Variants in TAP2 observed in about 807,000 individuals in gnomAD.
TAP2 encodes antigen peptide transporter 2.
A neutral mutation model predicts 74.7 loss-of-function variants in TAP2; 49 were observed. The ratio of observed to expected loss-of-function variants is 0.66; its 90% CI spans 0.52 to 0.83. The LOEUF is 0.83. Among genes scored for constraint, TAP2 ranks in the 40% least tolerant of loss-of-function variants. The pLI, the probability that TAP2 is intolerant of heterozygous loss-of-function variation, is 0.00. For missense variants in TAP2, 739 were observed against 859.0 expected (o/e 0.86, Z 1.75); for synonymous variants, 306 against 368.4 (o/e 0.83, Z 1.94).
rs1768974106 is a variant in TAP2 at position 32,830,264 on chromosome 6, C to T, written c.1635+3G>A. ...GTCCCCTGTCTTCTCCCTCCTCACC[C>T]ACCTGGCTGTGCAGGTAGCAGTGTT... is the stretch of plus-strand genomic sequence containing the variant. On this transcript the variant is annotated splice_donor_region_variant and intron_variant, in intron 9 of 11. Coordinates refer to ENST00000374897, the MANE Select transcript of TAP2 (RefSeq NM_001290043.2). The T allele has an allele frequency of 1.2e-6, 2 of 1,613,014 alleles. No homozygotes were observed. Among genetic ancestry groups the T allele is most frequent in the Admixed American group, 1.7e-5 (1 of 60,008 alleles).
At position 32,833,706 on chromosome 6, in the gene TAP2, C is replaced by T. The variant is rs184429578; in HGVS notation, c.946-882G>A. On this transcript the variant is annotated intron_variant, in intron 5 of 11. Transcript: ENST00000374897. Reference sequence around the variant, plus strand: ...CTGCTGGTGGGAATTTAAAATGGTGCTGCCGCTATGGAAAACTGTATGGTG... The same window carrying T: ...CTGCTGGTGGGAATTTAAAATGGTGTTGCCGCTATGGAAAACTGTATGGTG... Among the ~76,000 whole-genome samples the T allele has an allele frequency of 1.8e-4, 27 of 152,258 alleles. No homozygotes were observed. In the East Asian group the frequency reaches 5.2e-3, roughly 29 times the overall value.
At chr6:32,831,754 GGATAGATGGATGGATAGATA>G (rs1250346615) in intron 7 of TAP2, among the ~76,000 whole-genome samples, 5 of 152,098 alleles carry the variant, frequency 3.3e-5, no homozygotes, top group Non-Finnish European at 7.3e-5. Flanking sequence ...GTGGATGGAT[GGATAGATGGATGGATAGATA>G]GATAGACAGA....
At position 32,830,403 on chromosome 6, in the gene TAP2, G is replaced by T; in HGVS notation, c.1499C>A (p.Ala500Glu). 3.1e-6 allele frequency: 5 copies of T among 1,612,824 alleles called. No individual in the cohort carries two copies. The highest frequency in any genetic ancestry group is 4.2e-6 in the Non-Finnish European group (5 of 1,180,012). The change falls in exon 9 of 12, where the codon GCG (alanine) becomes GAG (glutamate). Residue 500 changes from alanine (A) to glutamate (E), a missense_variant. Ala to Glu is a moderately radical substitution (Grantham distance 107). Coordinates refer to ENST00000374897, the MANE Select transcript of TAP2 (RefSeq NM_001290043.2). ...CCCAGACCCATTGGGTCCCACCAGC[G>T]CCGTCACCTCACCAGGACGTAGGGT... Reference protein sequence around the residue: ...TFTLRPGEVTALVGPNGSGKS... With the variant: ...TFTLRPGEVTELVGPNGSGKS...
chr6:32,834,998 G>A (rs996512314), intron 5 of TAP2, among the ~76,000 whole-genome samples, 156 bp downstream of exon 5: 1 of 152,110 alleles, frequency 6.6e-6, no homozygotes, highest in Non-Finnish European at 1.5e-5. Flanking sequence ...TGGATGGCTG[G>A]ACAAACAAAA....
In TAP2 at chr6:32,829,400, G is replaced by T. The variant is rs200318579; in HGVS notation, c.1932C>A (p.Ala644=). 1 of 1,595,078 alleles carries T rather than the reference G, an allele frequency of 6.3e-7. No homozygotes were observed. Among genetic ancestry groups the T allele is most frequent in the South Asian group, 1.1e-5 (1 of 88,424 alleles). ...TSALDVQCEQ[A]LQDWNSRGDR... ...TCCCCTGCCCTCTCACGGTACTCAC[G>T]GCCTGCTCGCACTGCACATCTAGGG... is the stretch of plus-strand genomic sequence containing the variant. Residue 644 remains alanine, a splice_region_variant and synonymous_variant, in exon 11 of 12, where the codon GCC becomes GCA. Transcript: ENST00000374897.
rs1002375975 is a variant in TAP2 at position 32,832,450 on chromosome 6, C to G, written c.1155G>C (p.Leu385Phe). Residue 385 changes from leucine (L) to phenylalanine (F), a missense_variant, in exon 7 of 12, where the codon TTG becomes TTC. Coordinates refer to ENST00000374897, the MANE Select transcript of TAP2 (RefSeq NM_001290043.2). The surrounding 1 kb of genome is among the most constrained non-coding windows in gnomAD (Gnocchi z 5.9). ...AGCTCAGCATCAGCATCTGCACCCC[C>G]AAGTGCAGCACCTGGAAGAGGAGAA... ...LYLLVRRVLHLGVQMLMLSCG... is the reference protein window; with the variant it reads ...LYLLVRRVLHFGVQMLMLSCG... 1.2e-6 allele frequency: 2 copies of G among 1,612,612 alleles called. No individual in the cohort carries two copies. Among genetic ancestry groups the G allele is most frequent in the East Asian group, 2.2e-5 (1 of 44,870 alleles).
chr6:32,832,562 T>C lies in TAP2; in HGVS notation c.1143+65A>G. Reference sequence around the variant, plus strand: ...CTGCAAAGGCCTCTAGAACCAGCTGTAGTTTCCTCTTCCCTTGCCCTCCCC... The same window carrying C: ...CTGCAAAGGCCTCTAGAACCAGCTGCAGTTTCCTCTTCCCTTGCCCTCCCC... On this transcript the variant is annotated intron_variant, in intron 6 of 11. Transcript: ENST00000374897. The surrounding 1 kb of genome is among the most constrained non-coding windows in gnomAD (Gnocchi z 5.9). 4 of 1,612,228 alleles carry C rather than the reference T, an allele frequency of 2.5e-6. No homozygotes were observed. The highest frequency in any genetic ancestry group is 2.2e-5 in the East Asian group (1 of 44,882).
At position 32,827,413 on chromosome 6, in the gene TAP2, G is replaced by A; in HGVS notation, c.*1493C>T. ...AGATATAAAGCTTAATAAGATATAT[G>A]GCTTTCCGCCCAGGTGCTCATGGTC... is the stretch of plus-strand genomic sequence containing the variant. On this transcript the variant is annotated 3_prime_UTR_variant, in exon 12 of 12. Coordinates refer to ENST00000374897, the MANE Select transcript of TAP2 (RefSeq NM_001290043.2). The A allele has an allele frequency of 1.1e-6, 1 of 874,430 alleles. No homozygotes were observed. Among genetic ancestry groups the A allele is most frequent in the Non-Finnish European group, 1.4e-6 (1 of 729,148 alleles). 54.2% of individuals were successfully genotyped at this position (874,430 alleles called of 1,614,324 possible).
chr6:32,828,677 C>CTCAA lies in TAP2; in HGVS notation c.*228_*229insTTGA. On this transcript the variant is annotated 3_prime_UTR_variant, in exon 12 of 12. Transcript: ENST00000374897. ...ATTAAGTTTCCTGGACACAGACAGC[C>CTCAA]CCCACCCCACCCCACCCCACCTCTC... 1.0e-6 allele frequency: 1 copy of CTCAA among 971,806 alleles called. No individual in the cohort carries two copies. Among genetic ancestry groups the CTCAA allele is most frequent in the Non-Finnish European group, 1.2e-6 (1 of 806,872 alleles). The allele number at this position is 971,806 out of a possible 1,614,324, so 60.2% of individuals were successfully genotyped here.
chr6:32,837,919 C>T lies in TAP2; in HGVS notation c.315G>A (p.Gly105=), dbSNP rs750160800. ...ASAPWSWLLV[G]YGAAGLSWSL... Reference sequence around the variant, plus strand: ...ACCAGCTGAGCCCCGCAGCCCCGTACCCCACCAGCAGCCAGCTCCAAGGGG... The same window carrying T: ...ACCAGCTGAGCCCCGCAGCCCCGTATCCCACCAGCAGCCAGCTCCAAGGGG... Residue 105 remains glycine, a synonymous_variant, in exon 2 of 12, where the codon GGG becomes GGA. Coordinates refer to ENST00000374897, the MANE Select transcript of TAP2 (RefSeq NM_001290043.2). The T allele has an allele frequency of 1.2e-6, 2 of 1,613,010 alleles. No individual in the cohort carries two copies. The highest frequency in any genetic ancestry group is 2.2e-5 in the East Asian group (1 of 44,878).
In TAP2 at chr6:32,835,594, G is replaced by A; in HGVS notation, c.739+49C>T. ...GAGGCTGTGGGTGGAAGGTCACTGA[G>A]GGGCAAGGGATGTCCATGGGAATCT... On this transcript the variant is annotated intron_variant, in intron 4 of 11. Transcript: ENST00000374897. The surrounding 1 kb of genome is among the most constrained non-coding windows in gnomAD (Gnocchi z 4.0). 6.2e-7 allele frequency: 1 copy of A among 1,612,610 alleles called. No individual in the cohort carries two copies. Among genetic ancestry groups the A allele is most frequent in the South Asian group, 1.1e-5 (1 of 91,056 alleles).
rs241449 is a variant in TAP2, at chr6:32,828,876, C to A, written c.*30G>T. Reference sequence around the variant, plus strand: ...GGCCTCAGTCCATCAGCCGCTGCTGCACCAGGCGGGAATAGAGGTCCTGTC... The same window carrying A: ...GGCCTCAGTCCATCAGCCGCTGCTGAACCAGGCGGGAATAGAGGTCCTGTC... On this transcript the variant is annotated 3_prime_UTR_variant, in exon 12 of 12. Transcript: ENST00000374897. 409,095 of 1,524,222 alleles carry A rather than the reference C, an allele frequency of 0.27. 57,377 individuals are homozygous for A. The highest frequency in any genetic ancestry group is 0.39 in the South Asian group (32,428 of 82,420). The allele number at this position is 1,524,222 out of a possible 1,614,324, so 94.4% of individuals were successfully genotyped here.
At position 32,835,656 on chromosome 6, in the gene TAP2, C is replaced by T. The variant is rs1164840923; in HGVS notation, c.726G>A (p.Gln242=). The T allele has an allele frequency of 6.2e-7, 1 of 1,612,964 alleles. No homozygotes were observed. Among genetic ancestry groups the T allele is most frequent in the Non-Finnish European group, 8.5e-7 (1 of 1,180,042 alleles). ...SLLRQDLGFF[Q]ETKTGELNSR... ...TCCAGGCCCCACCTGTCTTAGTCTC[C>T]TGGAAGAAACCGAGGTCCTGGCGCA... Residue 242 remains glutamine (Q), a synonymous_variant, in exon 4 of 12, where the codon CAG becomes CAA. Transcript: ENST00000374897. This position sits in a 1 kb window ranked among gnomAD's most constrained non-coding sequence, Gnocchi z 4.0.
chr6:32,823,016 T>C (rs1176124767), downstream of TAP2, among the ~76,000 whole-genome samples: 1 of 149,880 alleles, frequency 6.7e-6, no homozygotes, highest in African/African-American at 2.5e-5. Context: ...GCCTCCCAGA[T>C]TCAAGCAATT....
downstream of TAP2, chr6:32,821,954 G>A (rs968558404): frequency 3.6e-6 from 1 of 277,610 alleles, no homozygotes; most frequent in Non-Finnish European, 6.8e-6. Flanking sequence ...TGTAACATGA[G>A]GGGAAGGGGC....
downstream of TAP2, among the ~76,000 whole-genome samples, chr6:32,823,811 A>T (rs16870911): frequency 0.066 from 10,030 of 152,100 alleles, 648 homozygotes; most frequent in African/African-American, 0.17. Flanking sequence ...GCATTTTAAA[A>T]ATTTTACCTT....
chr6:32,838,185 C>T lies in TAP2; in HGVS notation c.49G>A (p.Ala17Thr). Residue 17 changes from alanine to threonine, a missense_variant, in exon 2 of 12, where the codon GCG becomes ACG. Transcript: ENST00000374897. ...CCCTGAAGCAGCCACAGTAAAGCCGCGTCCACCAGCAGCAGGGAGGTCCAG... is the reference window on the plus strand; with the variant it reads ...CCCTGAAGCAGCCACAGTAAAGCCGTGTCCACCAGCAGCAGGGAGGTCCAG... Reference protein sequence around the residue: ...RPWTSLLLVDAALLWLLQGPL... With the variant: ...RPWTSLLLVDTALLWLLQGPL... 1.9e-6 allele frequency: 3 copies of T among 1,593,266 alleles called. No individual in the cohort carries two copies. The highest frequency in any genetic ancestry group is 2.6e-6 in the Non-Finnish European group (3 of 1,169,702).
rs994585840 is a variant in TAP2, at chr6:32,826,856, G to C, written c.*2050C>G. 2 of 985,414 alleles carry C rather than the reference G, an allele frequency of 2.0e-6. No individual in the cohort carries two copies. The highest frequency in any genetic ancestry group is 2.4e-6 in the Non-Finnish European group (2 of 829,940). 61.0% of individuals were successfully genotyped at this position (985,414 alleles called of 1,614,324 possible). ...AGAATTTCTCAGATCATCTTCTTCT[G>C]TGAGGGCTGCAGCTTCCATGTAGTT... is the stretch of plus-strand genomic sequence containing the variant. On this transcript the variant is annotated 3_prime_UTR_variant, in exon 12 of 12. Transcript: ENST00000374897.
chr6:32,824,820 C>A (rs560935821), downstream of TAP2, among the ~76,000 whole-genome samples: 1 of 152,154 alleles, frequency 6.6e-6, no homozygotes, highest in East Asian at 1.9e-4. Flanking sequence ...TTAACTTTGT[C>A]TGCCTCATTC....
Sources: allele counts gnomAD v4.1 joint callset (sites outside exome capture counted in the v4.1 genomes callset), GRCh38; gene constraint gnomAD v4.1.1; non-coding constraint Gnocchi (gnomAD v3.1); transcripts MANE v1.5; gene names NCBI Gene and HGNC (gene_info 2026-07-23, HGNC 2026-07-21).